Variants in GPBP1 observed in about 807,000 individuals in gnomAD.
GPBP1 encodes the protein vasculin.
GPBP1 carries 13 observed loss-of-function variants against 56.5 expected under a neutral mutation model. The ratio of observed to expected loss-of-function variants is 0.23; its 90% CI spans 0.15 to 0.37. The LOEUF is 0.37. Among genes scored for constraint, GPBP1 ranks in the 10% least tolerant of loss-of-function variants. The pLI is 1.00. For missense variants in GPBP1, 477 were observed against 572.3 expected (o/e 0.83, Z 1.70); for synonymous variants, 204 against 188.9 (o/e 1.08, Z -0.66).
At chr5:57,232,432 C>G (rs987073816) in intron 5 of GPBP1, among the ~76,000 whole-genome samples, 12 of 152,278 alleles carry the variant, frequency 7.9e-5, no homozygotes, top group East Asian at 3.9e-4. Flanking sequence ...GTTCTTAGCT[C>G]CTACAATTAA....
intron 2 of GPBP1, among the ~76,000 whole-genome samples, chr5:57,188,635 C>A (rs138381948): frequency 3.9e-5 from 6 of 151,916 alleles, no homozygotes; most frequent in African/African-American, 1.5e-4. Flanking sequence ...CCCAGCTACT[C>A]GGGAGGCTGA....
intron 3 of GPBP1, among the ~76,000 whole-genome samples, chr5:57,216,581 G>C (rs1027283856): frequency 2.6e-5 from 4 of 152,150 alleles, no homozygotes; most frequent in Non-Finnish European, 5.9e-5. Flanking sequence ...AAATTAGCTA[G>C]GTGCGGTGGC....
At chr5:57,204,635 G>A (rs1366659464) in intron 2 of GPBP1, among the ~76,000 whole-genome samples, 1 of 152,128 alleles carries the variant, frequency 6.6e-6, no homozygotes, top group Non-Finnish European at 1.5e-5. Flanking sequence ...GTGTCTCTCA[G>A]GTTTGGCTTT....
chr5:57,258,812 TA>T (rs1411112161), intron 10 of GPBP1, among the ~76,000 whole-genome samples: 1 of 152,190 alleles, frequency 6.6e-6, no homozygotes, highest in African/African-American at 2.4e-5. Flanking sequence ...CAGGAACAGT[TA>T]AAAGCTACAG....
At chr5:57,221,464 T>C in intron 3 of GPBP1, 3 of 946,588 alleles carry the variant, frequency 3.2e-6, no homozygotes, top group Non-Finnish European at 4.9e-6. Context: ...TTCCATTTGT[T>C]ATGCTAGGAA....
At chr5:57,184,207 G>C (rs540056895) in intron 2 of GPBP1, among the ~76,000 whole-genome samples, 31 of 152,212 alleles carry the variant, frequency 2.0e-4, no homozygotes, top group African/African-American at 7.2e-4. Flanking sequence ...AGTCCAACCT[G>C]GGTGACAGAT....
At chr5:57,227,109 G>A (rs1177825396) in intron 3 of GPBP1, among the ~76,000 whole-genome samples, 2 of 152,072 alleles carry the variant, frequency 1.3e-5, no homozygotes, top group Non-Finnish European at 2.9e-5. Context: ...CTGGAGTGCA[G>A]TGGTGCAATC....
At chr5:57,216,869 T>C (rs566489710) in intron 3 of GPBP1, among the ~76,000 whole-genome samples, 205 of 11,384 alleles carry the variant, frequency 0.018, 1 homozygote, top group Admixed American at 0.042. Flanking sequence ...TCTGGAACGC[T>C]TTTTTTTTTT....
chr5:57,241,093 C>G (rs1740805741), intron 6 of GPBP1, among the ~76,000 whole-genome samples: 1 of 152,114 alleles, frequency 6.6e-6, no homozygotes, highest in South Asian at 2.1e-4. Flanking sequence ...CTAGTTGTAG[C>G]TTTGTTAGAA....
intron 2 of GPBP1, among the ~76,000 whole-genome samples, chr5:57,195,786 T>TGCAG (rs1338257658): frequency 8.6e-5 from 13 of 151,938 alleles, no homozygotes; most frequent in African/African-American, 1.5e-4. Flanking sequence ...GCGGATCACC[T>TGCAG]GAGGTCAGGA....
At chr5:57,226,729 CTTTTTTTTTTTT>C (rs70999067) in intron 3 of GPBP1, among the ~76,000 whole-genome samples, 52 of 77,122 alleles carry the variant, frequency 6.7e-4, no homozygotes, top group Admixed American at 1.6e-3. Flanking sequence ...TTTTTGTATT[CTTTTTTTTTTTT>C]TTTTTTTTTT....
intron 3 of GPBP1, among the ~76,000 whole-genome samples, chr5:57,220,471 T>C (rs1308622328): frequency 6.6e-6 from 1 of 151,824 alleles, no homozygotes; most frequent in African/African-American, 2.4e-5. Context: ...TTTTTTTTTT[T>C]TTTTTTGAGA....
intron 3 of GPBP1, among the ~76,000 whole-genome samples, chr5:57,219,213 T>C: frequency 6.6e-6 from 1 of 151,088 alleles, no homozygotes; most frequent in East Asian, 1.9e-4. Context: ...CCGTTTCTAC[T>C]AAAAATACAA....
intron 5 of GPBP1, among the ~76,000 whole-genome samples, chr5:57,232,187 T>C (rs1287865694): frequency 1.3e-5 from 2 of 152,114 alleles, no homozygotes; most frequent in African/African-American, 2.4e-5. Flanking sequence ...CCTAGCTCAC[T>C]ATGTTGGCCT....
Position 57,211,189 on chromosome 5 carries a change from A to C in GPBP1, c.-57-2885A>C, listed in dbSNP as rs540846124. On this transcript the variant is annotated intron_variant, in intron 2 of 11. Coordinates refer to ENST00000506184, the MANE Select transcript of GPBP1 (RefSeq NM_022913.4). The stretch of plus-strand genomic sequence containing the variant: ...TTTTTTTTAAATCTTTTTTCAGAAC[A>C]TGAGTTAACTTCTTTTTTTGAGATA... 2.0e-5 allele frequency among the ~76,000 whole-genome samples: 3 copies of C among 151,166 alleles called. No individual in the cohort carries two copies. In the East Asian group the frequency reaches 5.8e-4, roughly 29 times the overall value.
chr5:57,201,505 A>G (rs555250109), intron 2 of GPBP1, among the ~76,000 whole-genome samples: 72 of 152,276 alleles, frequency 4.7e-4, no homozygotes, highest in African/African-American at 1.7e-3. Context: ...CTTTTTGATA[A>G]TATAATAGTC....
At chr5:57,214,945 C>T (rs891716941) in intron 3 of GPBP1, among the ~76,000 whole-genome samples, 5 of 152,250 alleles carry the variant, frequency 3.3e-5, no homozygotes, top group African/African-American at 9.6e-5. Context: ...TACAGGCATG[C>T]GCCACCGTGC....
intron 10 of GPBP1, among the ~76,000 whole-genome samples, chr5:57,252,255 G>GCAC (rs1741432637): frequency 1.3e-5 from 2 of 151,760 alleles, no homozygotes; most frequent in Non-Finnish European, 2.9e-5. Flanking sequence ...GGCTTCAGTG[G>GCAC]TACCTATTGA....
intron 2 of GPBP1, among the ~76,000 whole-genome samples, chr5:57,203,063 A>G (rs978966963): frequency 1.3e-5 from 2 of 152,228 alleles, no homozygotes; most frequent in Non-Finnish European, 2.9e-5. Flanking sequence ...AGTGAAGTTT[A>G]TATGAAAGTT....
Sources: gnomAD v4.1 joint callset for allele counts (sites outside exome capture counted in the v4.1 genomes callset) on GRCh38, gnomAD v4.1.1 for gene constraint, MANE v1.5 for transcripts, NCBI Gene and HGNC (gene_info 2026-07-23, HGNC 2026-07-21) for gene names.